Variants in GRIP1 observed in about 807,000 individuals in gnomAD.
GRIP1 encodes glutamate receptor-interacting protein 1.
In GRIP1, 45 loss-of-function variants were observed where a neutral mutation model predicts 129.9. That is an observed-to-expected ratio of 0.35 (90% confidence interval 0.27 to 0.44). GRIP1 has a LOEUF of 0.44. Among genes scored for constraint, GRIP1 ranks in the 20% least tolerant of loss-of-function variants. GRIP1 has a pLI of 1.00. For synonymous variants in GRIP1, 530 were observed against 520.8 expected (o/e 1.02, Z -0.24); for missense variants, 1,196 against 1,396.8 (o/e 0.86, Z 2.29).
intron 1 of GRIP1, among the ~76,000 whole-genome samples, chr12:66,617,800 A>G (rs1040714501): frequency 2.0e-5 from 3 of 151,566 alleles, no homozygotes; most frequent in African/African-American, 7.3e-5. Flanking sequence ...TAAGAAATGC[A>G]TATTAAAGCC....
chr12:66,375,267 T>G (rs1446578162), intron 22 of GRIP1, among the ~76,000 whole-genome samples: 1 of 152,194 alleles, frequency 6.6e-6, no homozygotes, highest in African/African-American at 2.4e-5. Flanking sequence ...TTGTTAAAAC[T>G]ATACATTTTT....
chr12:66,425,421 C>T (rs1310498147), intron 14 of GRIP1, among the ~76,000 whole-genome samples: 1 of 152,146 alleles, frequency 6.6e-6, no homozygotes, highest in African/African-American at 2.4e-5. Context: ...GTGGCAATTC[C>T]TCAGGGATCT....
At chr12:66,665,264 T>G (rs2033731361) in intron 1 of GRIP1, among the ~76,000 whole-genome samples, 1 of 152,150 alleles carries the variant, frequency 6.6e-6, no homozygotes, top group Non-Finnish European at 1.5e-5. Context: ...CATGGCAGCC[T>G]CCTAAAATGC....
Position 66,583,576 on chromosome 12 carries a change from C to T in GRIP1, c.136+13271G>A, listed in dbSNP as rs930495930. ...CAATTTACAAGAAAAAAACAAACAACCCCATCAAAAAGTGGGCGAAGGACG... is the reference window on the plus strand; with the variant it reads ...CAATTTACAAGAAAAAAACAAACAATCCCATCAAAAAGTGGGCGAAGGACG... On this transcript the variant is annotated intron_variant, in intron 2 of 24. Transcript: ENST00000359742. Among the ~76,000 whole-genome samples, 6 of 137,164 alleles carry T rather than the reference C, an allele frequency of 4.4e-5. No homozygotes were observed. The East Asian group carries it at 1.1e-3, about 24-fold the overall frequency. The allele number at this position is 137,164 out of a possible 152,430, so 90.0% of individuals were successfully genotyped here.
chr12:66,444,300 C>G (rs2058554666), intron 13 of GRIP1, among the ~76,000 whole-genome samples: 1 of 150,160 alleles, frequency 6.7e-6, no homozygotes, highest in South Asian at 2.1e-4. Context: ...TCCTGGCTAA[C>G]AAGGTGAAAC....
In GRIP1 at chr12:66,752,136, T is replaced by C. The variant is rs117214935; in HGVS notation, c.-420+51917A>G. On this transcript the variant is annotated intron_variant, in intron 1 of 4. Transcript: ENST00000538373. ...TTTGTCCATATTATGAAACGATATA[T>C]TTATAACAACAGTCATAACAAAGTA... 2.7e-3 allele frequency among the ~76,000 whole-genome samples: 407 copies of C among 152,312 alleles called. 8 individuals carry two copies. The East Asian group carries it at 0.06, about 22-fold the overall frequency.
chr12:66,938,767 G>T (rs999329074), intron 1 of GRIP1, among the ~76,000 whole-genome samples: 1 of 152,170 alleles, frequency 6.6e-6, no homozygotes, highest in Non-Finnish European at 1.5e-5. Context: ...GACCATCCTG[G>T]CCAACATGGT....
intron 1 of GRIP1, among the ~76,000 whole-genome samples, chr12:66,997,037 G>C (rs2042477828): frequency 6.6e-6 from 1 of 152,116 alleles, no homozygotes; most frequent in Admixed American, 6.6e-5. Flanking sequence ...GACTAATAGA[G>C]AAAAGGGTCA....
At chr12:66,501,130 G>T (rs2060380966) in intron 7 of GRIP1, among the ~76,000 whole-genome samples, 1 of 152,196 alleles carries the variant, frequency 6.6e-6, no homozygotes, top group South Asian at 2.1e-4. Flanking sequence ...GATCTCACAG[G>T]TGTATCTAGG....
chr12:66,835,599 GA>G (rs2039598869), intron 1 of GRIP1, among the ~76,000 whole-genome samples: 1 of 152,086 alleles, frequency 6.6e-6, no homozygotes, highest in Non-Finnish European at 1.5e-5. Context: ...TTAAGCCATG[GA>G]AAACCATGGA....
At chr12:66,462,236 G>A (rs1031015375) in intron 9 of GRIP1, among the ~76,000 whole-genome samples, 6 of 152,182 alleles carry the variant, frequency 3.9e-5, no homozygotes, top group Non-Finnish European at 7.4e-5. Context: ...ACTGGCAAAA[G>A]ACATAATATA....
intron 2 of GRIP1, chr12:66,567,749 G>A: frequency 4.6e-6 from 1 of 218,710 alleles, no homozygotes; most frequent in African/African-American, 2.3e-5. Flanking sequence ...CTCATCCTTT[G>A]GAGAAAAAAA....
At chr12:66,448,609 A>G (rs952060308) in intron 11 of GRIP1, among the ~76,000 whole-genome samples, 1 of 151,900 alleles carries the variant, frequency 6.6e-6, no homozygotes, top group Non-Finnish European at 1.5e-5. Flanking sequence ...CCAGTGATGG[A>G]TTTCCCTACT....
At chr12:66,640,802 T>C (rs2031855411) in intron 1 of GRIP1, among the ~76,000 whole-genome samples, 1 of 152,208 alleles carries the variant, frequency 6.6e-6, no homozygotes, top group African/African-American at 2.4e-5. Context: ...TCTCTCTGGT[T>C]CTCCCAAAGC....
At chr12:66,841,719 CAAAGCAACACCACCAG>C (rs1204392996) in intron 1 of GRIP1, among the ~76,000 whole-genome samples, 1 of 152,096 alleles carries the variant, frequency 6.6e-6, no homozygotes, top group Non-Finnish European at 1.5e-5. Context: ...GCTGACAAAA[CAAAGCAACACCACCAG>C]AAATTGAGGA....
At chr12:66,416,240 AAT>A (rs1425522823) in intron 15 of GRIP1, among the ~76,000 whole-genome samples, 2 of 152,164 alleles carry the variant, frequency 1.3e-5, no homozygotes, top group African/African-American at 4.8e-5. Flanking sequence ...CACTAAAGCC[AAT>A]GAGATACAGC....
intron 4 of GRIP1, among the ~76,000 whole-genome samples, chr12:66,534,061 T>C (rs1408823826): frequency 1.3e-5 from 2 of 152,192 alleles, no homozygotes; most frequent in Non-Finnish European, 1.5e-5. Flanking sequence ...TCTAGCTGTC[T>C]GAGCTAAGTG....
intron 3 of GRIP1, among the ~76,000 whole-genome samples, chr12:66,540,964 T>C (rs1365734794): frequency 6.7e-6 from 1 of 149,400 alleles, no homozygotes; most frequent in Non-Finnish European, 1.5e-5. Flanking sequence ...ACACCTGGCT[T>C]TTTTTTTTTA....
At chr12:66,475,512 C>T (rs530959533) in intron 7 of GRIP1, among the ~76,000 whole-genome samples, 2 of 152,340 alleles carry the variant, frequency 1.3e-5, no homozygotes, top group South Asian at 4.1e-4. Context: ...CCACCCAAAT[C>T]AACAGAATAT....
Sources: allele counts gnomAD v4.1 joint callset (sites outside exome capture counted in the v4.1 genomes callset), GRCh38; gene constraint gnomAD v4.1.1; transcripts MANE v1.5; gene names NCBI Gene and HGNC (gene_info 2026-07-23, HGNC 2026-07-21).